The following CD226 variants were observed in gnomAD, a reference collection of about 807,000 sequenced individuals.
The protein encoded by CD226 is CD226 molecule, also known as CD226 antigen.
A neutral mutation model predicts 34.9 loss-of-function variants in CD226; 24 were observed. The observed-to-expected ratio is 0.69, with a 90% CI of 0.50 to 0.97. The LOEUF is 0.97. Among genes scored for constraint, CD226 ranks in the 50% least tolerant of loss-of-function variants. The probability of loss-of-function intolerance (pLI) is 0.00; values close to 1 mark genes in which losing one functional copy is unlikely to be tolerated. For synonymous variants in CD226, 148 were observed against 147.4 expected (o/e 1.00, Z -0.03); for missense variants, 397 against 412.7 (o/e 0.96, Z 0.33).
Position 69,895,918 on chromosome 18 carries a change from G to A in CD226, c.510C>T (p.Pro170=). 6.2e-7 allele frequency: 1 copy of A among 1,614,126 alleles called. No homozygotes were observed. Among genetic ancestry groups the A allele is most frequent in the Non-Finnish European group, 8.5e-7 (1 of 1,180,026 alleles). Residue 170 remains proline (P), a synonymous_variant, in exon 3 of 6, where the codon CCC becomes CCT. Transcript: ENST00000582621. ...VQAVRWEKIQ[P]RQIDLLTYCN... is the part of the protein sequence containing the mutation. ...AGTAAGTTAAGAGGTCGATCTGACG[G>A]GGCTGGATCTTTTCCCACCTCACTG...
chr18:69,872,439 C>T (rs967306159), intron 4 of CD226, among the ~76,000 whole-genome samples: 4 of 151,980 alleles, frequency 2.6e-5, no homozygotes, highest in Admixed American at 2.6e-4. Flanking sequence ...TTGTTATTGA[C>T]AGGGTCTTGC....
At chr18:69,908,893 A>G (rs1277446953) in intron 2 of CD226, among the ~76,000 whole-genome samples, 1 of 152,210 alleles carries the variant, frequency 6.6e-6, no homozygotes, top group Admixed American at 6.5e-5. Context: ...CCTTCATATA[A>G]TCCTTCCACT....
rs1226839716 is a variant in CD226 at position 69,859,832 on chromosome 18, G to C, written c.*4482C>G. 6.6e-6 allele frequency: 1 copy of C among 152,214 alleles called. No individual in the cohort carries two copies. Among genetic ancestry groups the C allele is most frequent in the African/African-American group, 2.4e-5 (1 of 41,428 alleles). The allele number at this position is 152,214 out of a possible 1,614,324, so 9.4% of individuals were successfully genotyped here. A position where few individuals can be genotyped will look rare whatever the true frequency, so the allele number is the denominator to read the frequency against. On this transcript the variant is annotated 3_prime_UTR_variant, in exon 6 of 6. Transcript: ENST00000582621. ...TCATGCCTGTAATCCCAGCAATTTA[G>C]GAGGCTGAGGCAGGTGGATCACCTG...
exon 1 of CD226, chr18:69,956,767 G>A (rs1176193978): frequency 6.6e-6 from 1 of 152,250 alleles, no homozygotes; most frequent in Non-Finnish European, 1.5e-5. Context: ...TGAGATGTGA[G>A]TGCTGCTCGC....
chr18:69,953,831 C>A (rs1468212589), intron 1 of CD226, among the ~76,000 whole-genome samples: 4 of 152,028 alleles, frequency 2.6e-5, no homozygotes, highest in African/African-American at 9.7e-5. Flanking sequence ...GAAACCCCGA[C>A]TCTACTAAAA....
intron 2 of CD226, among the ~76,000 whole-genome samples, chr18:69,902,519 C>A (rs181141979): frequency 6.6e-6 from 1 of 151,472 alleles, no homozygotes; most frequent in Admixed American, 6.6e-5. Flanking sequence ...CCTTTCTGAC[C>A]TCCCTCTGCT....
intron 3 of CD226, among the ~76,000 whole-genome samples, chr18:69,885,868 A>G (rs560714424): frequency 1.3e-5 from 2 of 152,272 alleles, no homozygotes; most frequent in South Asian, 4.1e-4. Flanking sequence ...CCCTCATAGC[A>G]TTGGCGTCAG....
Position 69,901,629 on chromosome 18 carries a change from C to T in CD226, c.383-5584G>A, listed in dbSNP as rs374469743. ...GGCACAGTGGCTCACACCTGTAATC[C>T]AGCACTTTGGGAGGCCGAGGCAGGC... On this transcript the variant is annotated intron_variant, in intron 2 of 5. Coordinates refer to ENST00000582621, the MANE Select transcript of CD226 (RefSeq NM_001303618.2). Among the ~76,000 whole-genome samples the T allele has an allele frequency of 1.1e-3, 165 of 151,888 alleles. 1 individual carries two copies. The highest frequency in any genetic ancestry group is 3.8e-3 in the African/African-American group (159 of 41,410).
At chr18:69,937,392 A>G (rs554376802) in intron 2 of CD226, among the ~76,000 whole-genome samples, 28 of 152,318 alleles carry the variant, frequency 1.8e-4, no homozygotes, top group African/African-American at 6.5e-4. Context: ...ATTAATCTCA[A>G]CATCCAAATT....
At chr18:69,895,672 A>G in intron 3 of CD226, 29 bp downstream of exon 3, 3 of 1,541,096 alleles carry the variant, frequency 1.9e-6, no homozygotes, top group African/African-American at 1.4e-5. Context: ...TCCATGTTTG[A>G]TACCAGAAGA....
At chr18:69,937,799 C>G (rs8094684) in intron 2 of CD226, among the ~76,000 whole-genome samples, 5,284 of 152,234 alleles carry the variant, frequency 0.035, 129 homozygotes, top group African/African-American at 0.061. Flanking sequence ...GGCCATGCTG[C>G]CCTCAACTAA....
chr18:69,865,467 G>T (rs1250457635), intron 5 of CD226, among the ~76,000 whole-genome samples: 1 of 150,508 alleles, frequency 6.6e-6, no homozygotes, highest in East Asian at 2.3e-4. Flanking sequence ...GAAAAAGTTG[G>T]ATACCTAATA....
At chr18:69,906,842 C>T (rs1309033253) in intron 2 of CD226, among the ~76,000 whole-genome samples, 2 of 152,194 alleles carry the variant, frequency 1.3e-5, no homozygotes, top group East Asian at 1.9e-4. Context: ...GGGCTTGACT[C>T]GGACAGTGAG....
chr18:69,870,135 C>T (rs933990860), intron 4 of CD226, among the ~76,000 whole-genome samples: 1 of 151,640 alleles, frequency 6.6e-6, no homozygotes, highest in Non-Finnish European at 1.5e-5. Flanking sequence ...CAGAGAGCCC[C>T]GAAAACCAAG....
intron 3 of CD226, among the ~76,000 whole-genome samples, chr18:69,882,570 T>TA (rs1451129070): frequency 6.6e-6 from 1 of 152,230 alleles, no homozygotes; most frequent in Non-Finnish European, 1.5e-5. Flanking sequence ...TTGTATTAGA[T>TA]ATCTCATATT....
intron 5 of CD226, among the ~76,000 whole-genome samples, chr18:69,866,137 A>C (rs1030719118): frequency 5.3e-5 from 8 of 152,216 alleles, no homozygotes; most frequent in African/African-American, 1.9e-4. Flanking sequence ...TCTGTCCTTA[A>C]AAAGGCACTG....
chr18:69,858,718 C>CTTTTTTTTTTTTTTT lies in CD226; in HGVS notation c.*5581_*5595dup, dbSNP rs71178826. 29 of 44,974 alleles carry CTTTTTTTTTTTTTTT rather than the reference C, an allele frequency of 6.4e-4. 12 individuals carry two copies. The highest frequency in any genetic ancestry group is 1.5e-3 in the Admixed American group (4 of 2,662). 2.8% of individuals were successfully genotyped at this position (44,974 alleles called of 1,614,324 possible). A position where few individuals can be genotyped will look rare whatever the true frequency, so the allele number is the denominator to read the frequency against. On this transcript the variant is annotated 3_prime_UTR_variant, in exon 6 of 6. Coordinates refer to ENST00000582621, the MANE Select transcript of CD226 (RefSeq NM_001303618.2). ...GCCACCCCTATGTTCAAATACTTAA[C>CTTTTTTTTTTTTTTT]TTTTTTTTTTTTTTTTTTTTTTTTT...
chr18:69,908,563 A>AT (rs2055284346), intron 2 of CD226, among the ~76,000 whole-genome samples: 1 of 152,178 alleles, frequency 6.6e-6, no homozygotes, highest in African/African-American at 2.4e-5. Context: ...GCTTCCCTAC[A>AT]TTTTTTCAAC....
At chr18:69,928,214 T>C (rs1418107205) in intron 2 of CD226, among the ~76,000 whole-genome samples, 2 of 152,246 alleles carry the variant, frequency 1.3e-5, no homozygotes, top group Non-Finnish European at 2.9e-5. Flanking sequence ...TTCTACTTAA[T>C]TACATATGGA....
Sources: allele counts gnomAD v4.1 joint callset (sites outside exome capture counted in the v4.1 genomes callset), GRCh38; gene constraint gnomAD v4.1.1; transcripts MANE v1.5; gene names NCBI Gene and HGNC (gene_info 2026-07-23, HGNC 2026-07-21).